The following MTUS2 variants were observed in gnomAD, a reference collection of about 807,000 sequenced individuals.
MTUS2 encodes microtubule-associated tumor suppressor candidate 2.
MTUS2 carries 40 observed loss-of-function variants against 114.1 expected under a neutral mutation model. The ratio of observed to expected loss-of-function variants is 0.35; its 90% CI spans 0.27 to 0.46. MTUS2 has a LOEUF of 0.46. Ranked by LOEUF, MTUS2 falls within the 20% of genes least tolerant of loss-of-function variation. The pLI is 1.00. For missense variants in MTUS2, 1,679 were observed against 1,705.4 expected, an observed-to-expected ratio of 0.98 and a Z score of 0.27; for synonymous variants, 688 against 672.0, an observed-to-expected ratio of 1.02 and a Z score of -0.37.
intron 8 of MTUS2, among the ~76,000 whole-genome samples, chr13:29,428,242 G>A (rs1162653773): frequency 6.6e-6 from 1 of 152,272 alleles, no homozygotes; most frequent in African/African-American, 2.4e-5. Context: ...TTCATGGGAG[G>A]AGAGGCCATA....
Position 29,324,594 on chromosome 13 carries a change from CT to C in MTUS2, c.2807-15del. 1.3e-6 allele frequency: 2 copies of C among 1,544,126 alleles called. No individual in the cohort carries two copies. Among genetic ancestry groups the C allele is most frequent in the East Asian group, 2.4e-5 (1 of 42,288 alleles). ...AGTAGCTTACTTTCTACCTATTTCT[CT>C]TTTCCAACTATACACAGGAACAAAG... On this transcript the variant is annotated intron_variant, in intron 6 of 15. Coordinates refer to ENST00000612955, the MANE Select transcript of MTUS2 (RefSeq NM_001033602.4).
At chr13:28,922,513 G>A (rs971210723) in intron 2 of MTUS2, among the ~76,000 whole-genome samples, 16 of 152,158 alleles carry the variant, frequency 1.1e-4, no homozygotes, top group Admixed American at 7.2e-4. Flanking sequence ...TGCTGGGATG[G>A]CTGATTCCCA....
At chr13:28,980,289 A>T (rs1884301857) in intron 2 of MTUS2, among the ~76,000 whole-genome samples, 2 of 152,188 alleles carry the variant, frequency 1.3e-5, no homozygotes, top group African/African-American at 4.8e-5. Context: ...AATAGGTAAT[A>T]CATTTGTTTA....
At chr13:29,344,802 G>C (rs934213081) in intron 7 of MTUS2, among the ~76,000 whole-genome samples, 1 of 152,140 alleles carries the variant, frequency 6.6e-6, no homozygotes, top group Admixed American at 6.5e-5. Context: ...TGTATTTTGA[G>C]AATTTGTTTC....
At chr13:28,872,281 GGAATT>G (rs1334627961) in intron 2 of MTUS2, among the ~76,000 whole-genome samples, 1 of 152,038 alleles carries the variant, frequency 6.6e-6, no homozygotes, top group Non-Finnish European at 1.5e-5. Context: ...GGGAAAGAGA[GGAATT>G]GAACAGCACT....
At chr13:29,500,834 CAT>C (rs1491516513) in intron 14 of MTUS2, among the ~76,000 whole-genome samples, 8 of 141,308 alleles carry the variant, frequency 5.7e-5, no homozygotes, top group South Asian at 2.3e-4. Context: ...CACACACACA[CAT>C]TGATACATAA....
chr13:29,204,636 A>G (rs7337839), intron 5 of MTUS2, among the ~76,000 whole-genome samples: 127,163 of 152,260 alleles, frequency 0.84, 53,313 homozygotes, highest in African/African-American at 0.91. Context: ...ACAGGGCCCA[A>G]TGTTTCTGGG....
At chr13:29,311,010 A>G (rs1899733986) in intron 6 of MTUS2, among the ~76,000 whole-genome samples, 1 of 152,220 alleles carries the variant, frequency 6.6e-6, no homozygotes, top group Non-Finnish European at 1.5e-5. Flanking sequence ...AAATGAATCT[A>G]TTGTGATGTA....
At chr13:29,196,211 C>T (rs989841195) in intron 5 of MTUS2, among the ~76,000 whole-genome samples, 3 of 151,860 alleles carry the variant, frequency 2.0e-5, no homozygotes, top group Admixed American at 6.6e-5. Context: ...ATTCTCCTAC[C>T]TCAGCCTCCC....
chr13:29,338,595 A>G (rs1901210129), intron 7 of MTUS2, among the ~76,000 whole-genome samples: 1 of 138,290 alleles, frequency 7.2e-6, no homozygotes, highest in African/African-American at 2.9e-5. Flanking sequence ...ATCTCAGAAA[A>G]CAAAAAAAAA....
chr13:29,000,792 C>T (rs987333778), intron 2 of MTUS2, among the ~76,000 whole-genome samples: 7 of 152,166 alleles, frequency 4.6e-5, no homozygotes, highest in African/African-American at 1.7e-4. Flanking sequence ...CCTAAATAGC[C>T]ACAAATATTT....
At chr13:29,064,054 G>A (rs1184954627) in intron 4 of MTUS2, among the ~76,000 whole-genome samples, 2 of 152,166 alleles carry the variant, frequency 1.3e-5, no homozygotes, top group Non-Finnish European at 2.9e-5. Flanking sequence ...TGCTCCTAGC[G>A]CTGGCTCTGC....
intron 5 of MTUS2, among the ~76,000 whole-genome samples, chr13:29,153,816 C>T (rs1200998503): frequency 6.6e-6 from 1 of 152,196 alleles, no homozygotes; most frequent in Admixed American, 6.5e-5. Flanking sequence ...GCTGAAAAAG[C>T]ATCAGGTGAC....
intron 4 of MTUS2, among the ~76,000 whole-genome samples, chr13:29,037,883 A>G (rs770654727): frequency 3.3e-5 from 5 of 152,170 alleles, no homozygotes; most frequent in Admixed American, 3.3e-4. Flanking sequence ...GTTCTTCTCT[A>G]GACTGGTTAT....
chr13:29,033,677 G>C (rs1186805557), intron 3 of MTUS2, among the ~76,000 whole-genome samples: 1 of 152,112 alleles, frequency 6.6e-6, no homozygotes, highest in Non-Finnish European at 1.5e-5. Flanking sequence ...TTCTAGAGTA[G>C]TAGAACTGGA....
chr13:29,253,902 A>G (rs1360518209), intron 5 of MTUS2, among the ~76,000 whole-genome samples: 1 of 152,174 alleles, frequency 6.6e-6, no homozygotes, highest in African/African-American at 2.4e-5. Flanking sequence ...CATATTCACT[A>G]TCACGAGAAC....
chr13:29,279,530 C>T (rs1204808071), intron 5 of MTUS2, among the ~76,000 whole-genome samples: 1 of 152,146 alleles, frequency 6.6e-6, no homozygotes, highest in Non-Finnish European at 1.5e-5. Flanking sequence ...AATTGAACAG[C>T]CATTTCCAAA....
intron 4 of MTUS2, among the ~76,000 whole-genome samples, chr13:29,049,948 C>T (rs1887813659): frequency 6.6e-6 from 1 of 152,186 alleles, no homozygotes; most frequent in South Asian, 2.1e-4. Context: ...ACACATACCT[C>T]AGGTCCTAAG....
chr13:29,163,353 A>G (rs1382688655), intron 5 of MTUS2, among the ~76,000 whole-genome samples: 1 of 152,130 alleles, frequency 6.6e-6, no homozygotes, highest in Non-Finnish European at 1.5e-5. Context: ...ACAGTGGTGT[A>G]TGAGCAGATT....
Sources: gnomAD v4.1 joint callset for allele counts (sites outside exome capture counted in the v4.1 genomes callset) on GRCh38, gnomAD v4.1.1 for gene constraint, MANE v1.5 for transcripts, NCBI Gene and HGNC (gene_info 2026-07-23, HGNC 2026-07-21) for gene names.